Variants in CYP7B1 observed in about 807,000 individuals in gnomAD.
CYP7B1 encodes cytochrome P450 family 7 subfamily B member 1.
In CYP7B1, 29 loss-of-function variants were observed where a neutral mutation model predicts 42.7. The observed-to-expected ratio is 0.68, with a 90% CI of 0.51 to 0.93. CYP7B1 has a LOEUF of 0.93. CYP7B1 is among the 40% of genes least tolerant of loss of function. The pLI is 0.00. For synonymous variants in CYP7B1, 235 were observed against 218.2 expected (o/e 1.08, Z -0.68); for missense variants, 655 against 600.5 (o/e 1.09, Z -0.95).
chr8:64,621,179 T>C (rs1805524223), intron 2 of CYP7B1, among the ~76,000 whole-genome samples: 1 of 152,196 alleles, frequency 6.6e-6, no homozygotes, highest in Non-Finnish European at 1.5e-5. Context: ...ATTCCAGTGT[T>C]TCATCAGCTC....
intron 1 of CYP7B1, among the ~76,000 whole-genome samples, chr8:64,698,026 T>G (rs1462500912): frequency 1.3e-5 from 2 of 152,218 alleles, no homozygotes; most frequent in Non-Finnish European, 2.9e-5. Context: ...TCCATGGCCT[T>G]GTATCAAATA....
Position 64,615,799 on chromosome 8 carries a change from A to G in CYP7B1, c.742T>C (p.Cys248Arg), listed in dbSNP as rs774723764. 1.5e-5 allele frequency: 25 copies of G among 1,613,612 alleles called. No individual in the cohort carries two copies. In the South Asian group the frequency reaches 2.4e-4, roughly 16 times the overall value. ...TTGGCTAACTTTTCTGATGAGAAGC[A>G]TTTTATAATTTTCTCTCTAATAGAC... The part of the protein sequence containing the change: ...VKSIREKIIK[C>R]FSSEKLAKMQ... Residue 248 changes from cysteine (C) to arginine (R), a missense_variant, in exon 3 of 6, where the codon TGC becomes CGC. Physicochemically the swap from Cys to Arg is radical, Grantham distance 180. Transcript: ENST00000310193.
At position 64,615,193 on chromosome 8, in the gene CYP7B1, G is replaced by A; in HGVS notation, c.890C>T (p.Thr297Ile). ...LGFLWASVAN[T>I]IPTMFWAMYY... The stretch of plus-strand genomic sequence containing the variant: ...CATTGCCCAGAACATAGTTGGAATA[G>A]TGTTTGCCACAGAGGCCCAGAGAAA... Residue 297 changes from threonine (T) to isoleucine (I), a missense_variant, in exon 4 of 6, where the codon ACT becomes ATT. By Grantham distance (89) the Thr-to-Ile change is moderately conservative. Coordinates refer to ENST00000310193, the MANE Select transcript of CYP7B1 (RefSeq NM_004820.5). 1.9e-6 allele frequency: 3 copies of A among 1,613,476 alleles called. No individual in the cohort carries two copies. The highest frequency in any genetic ancestry group is 2.5e-6 in the Non-Finnish European group (3 of 1,179,654).
chr8:64,752,641 T>A (rs959956968), intron 1 of CYP7B1, among the ~76,000 whole-genome samples: 21 of 152,160 alleles, frequency 1.4e-4, no homozygotes, highest in African/African-American at 3.1e-4. Flanking sequence ...CTGTGTGAAA[T>A]TACACACTAC....
chr8:64,728,949 A>G (rs1428174973), intron 1 of CYP7B1: 1 of 152,256 alleles, frequency 6.6e-6, no homozygotes, highest in Non-Finnish European at 1.5e-5. Context: ...TTTTGAGTCC[A>G]GGAGTTCAAG....
chr8:64,615,921 T>G lies in CYP7B1; in HGVS notation c.620A>C (p.Lys207Thr). ...YGKVIVCDNN[K>T]FISELRDDFL... ...ATCATCTCTTAGCTCACTAATAAAT[T>G]TGTTGTTGTCACAAACAATAACTTT... The change falls in exon 3 of 6, where the codon AAA becomes ACA. Residue 207 changes from lysine to threonine, a missense_variant. Coordinates refer to ENST00000310193, the MANE Select transcript of CYP7B1 (RefSeq NM_004820.5). 1 of 1,613,584 alleles carries G rather than the reference T, an allele frequency of 6.2e-7. No homozygotes were observed. The highest frequency in any genetic ancestry group is 8.5e-7 in the Non-Finnish European group (1 of 1,179,746).
At chr8:64,706,949 G>A (rs941635424) in intron 1 of CYP7B1, among the ~76,000 whole-genome samples, 3 of 151,964 alleles carry the variant, frequency 2.0e-5, no homozygotes, top group South Asian at 2.1e-4. Context: ...CCAAGCAGTC[G>A]TAACAATTGA....
At chr8:64,620,357 T>C (rs1160374797) in intron 2 of CYP7B1, among the ~76,000 whole-genome samples, 3 of 152,116 alleles carry the variant, frequency 2.0e-5, no homozygotes, top group South Asian at 2.1e-4. Flanking sequence ...CACATGTACA[T>C]ATCCCCCCGC....
chr8:64,650,926 C>T (rs1014906846), intron 1 of CYP7B1, among the ~76,000 whole-genome samples: 2 of 152,096 alleles, frequency 1.3e-5, no homozygotes, highest in Non-Finnish European at 1.5e-5. Flanking sequence ...TGGGCTCAGA[C>T]GAGGCAAATG....
chr8:64,624,303 T>C (rs367603965), intron 2 of CYP7B1, 100 bp downstream of exon 2: 2 of 1,135,864 alleles, frequency 1.8e-6, no homozygotes, highest in Non-Finnish European at 2.6e-6. Flanking sequence ...AATAAAAATA[T>C]ACAAATATTC....
intron 1 of CYP7B1, among the ~76,000 whole-genome samples, chr8:64,790,517 A>G (rs1233392430): frequency 5.3e-5 from 8 of 152,246 alleles, no homozygotes; most frequent in Admixed American, 5.2e-4. Flanking sequence ...AGCTAAAGGA[A>G]GGACATGCTT....
At chr8:64,600,148 G>A (rs1365643873) in intron 5 of CYP7B1, among the ~76,000 whole-genome samples, 1 of 152,198 alleles carries the variant, frequency 6.6e-6, no homozygotes. Context: ...ATGAGTCGAT[G>A]AATATTCAGT....
intron 1 of CYP7B1, among the ~76,000 whole-genome samples, chr8:64,772,070 A>C (rs1804244183): frequency 6.6e-6 from 1 of 152,214 alleles, no homozygotes; most frequent in African/African-American, 2.4e-5. Flanking sequence ...TTTGATAAGA[A>C]AATTGAAGCA....
downstream of CYP7B1, among the ~76,000 whole-genome samples, chr8:64,589,010 A>T (rs1199380569): frequency 6.6e-6 from 1 of 152,262 alleles, no homozygotes; most frequent in Non-Finnish European, 1.5e-5. Context: ...TTTAAAGTGT[A>T]GATTTCTTAA....
chr8:64,630,808 A>G (rs1338378845), intron 1 of CYP7B1, among the ~76,000 whole-genome samples: 1 of 152,258 alleles, frequency 6.6e-6, no homozygotes, highest in African/African-American at 2.4e-5. Flanking sequence ...TCCACTGGGC[A>G]TGACCTGCTT....
chr8:64,615,547 G>A (rs1238030719), intron 3 of CYP7B1, 144 bp downstream of exon 3: 2 of 791,970 alleles, frequency 2.5e-6, no homozygotes, highest in African/African-American at 3.5e-5. Context: ...CAATTATAGA[G>A]GGTTATATCA....
At chr8:64,704,467 AT>A (rs1168656146) in intron 1 of CYP7B1, among the ~76,000 whole-genome samples, 2 of 152,100 alleles carry the variant, frequency 1.3e-5, no homozygotes, top group African/African-American at 4.8e-5. Context: ...TGTGTTTTGC[AT>A]GCAGGTTTAA....
At chr8:64,605,093 T>C (rs1484952934) in intron 4 of CYP7B1, among the ~76,000 whole-genome samples, 1 of 152,132 alleles carries the variant, frequency 6.6e-6, no homozygotes, top group Non-Finnish European at 1.5e-5. Flanking sequence ...GCAGCAGTGT[T>C]GTACCTGGGC....
chr8:64,786,246 C>T (rs575382986), intron 1 of CYP7B1, among the ~76,000 whole-genome samples: 36 of 152,272 alleles, frequency 2.4e-4, no homozygotes, highest in African/African-American at 7.7e-4. Context: ...TAGCTCATTC[C>T]AGTATTAACC....
Sources: allele counts gnomAD v4.1 joint callset (sites outside exome capture counted in the v4.1 genomes callset), GRCh38; gene constraint gnomAD v4.1.1; transcripts MANE v1.5; gene names NCBI Gene and HGNC (gene_info 2026-07-23, HGNC 2026-07-21).